Variants in WFS1 observed in about 807,000 individuals in gnomAD.
WFS1 encodes the protein wolframin ER transmembrane glycoprotein, also known as wolframin.
Under a neutral mutation model 68.5 loss-of-function variants are expected in WFS1, and 90 were observed. The ratio of observed to expected loss-of-function variants is 1.31; its 90% CI spans 1.11 to 1.56. The LOEUF (loss-of-function observed/expected upper bound fraction) is 1.56, where lower values mean the gene tolerates loss of function less well. Among genes scored for constraint, WFS1 ranks in the 40% most tolerant of loss-of-function variants. WFS1 has a pLI of 0.00. For missense variants in WFS1, 1,767 were observed against 1,232.6 expected (o/e 1.43, Z -6.49); for synonymous variants, 860 against 540.7 (o/e 1.59, Z -8.19).
Position 6,300,811 on chromosome 4 carries a change from ACTT to A in WFS1, c.1021_1023del (p.Phe341del), listed in dbSNP as rs766994901. On this transcript the variant is annotated inframe_deletion, in exon 8 of 8. Coordinates refer to ENST00000226760, the MANE Select transcript of WFS1 (RefSeq NM_006005.3). ...TTCATCGTCAGCAACCTCACCATCG[ACTT>A]CTTCGCCTTCTTCATCCCGCTGGTC... The A allele has an allele frequency of 6.2e-7, 1 of 1,613,804 alleles. No individual in the cohort carries two copies. The highest frequency in any genetic ancestry group is 8.5e-7 in the Non-Finnish European group (1 of 1,179,896).
At chr4:6,299,858 CGT>C (rs1241238507) in intron 7 of WFS1, among the ~76,000 whole-genome samples, 1 of 76,374 alleles carries the variant, frequency 1.3e-5, no homozygotes, top group African/African-American at 5.4e-5. Flanking sequence ...TGTGTGAATG[CGT>C]GTGTGTAGGG....
At chr4:6,281,943 G>A (rs1335941930) in intron 2 of WFS1, among the ~76,000 whole-genome samples, 1 of 152,202 alleles carries the variant, frequency 6.6e-6, no homozygotes, top group Non-Finnish European at 1.5e-5. Context: ...CCAAGCCTCG[G>A]ACGTCACCTC....
At chr4:6,271,293 G>T (rs922347218) in intron 1 of WFS1, among the ~76,000 whole-genome samples, 2 of 152,132 alleles carry the variant, frequency 1.3e-5, no homozygotes, top group African/African-American at 4.8e-5. Flanking sequence ...TCCTCCCTTC[G>T]CAGACACAGG....
At chr4:6,275,468 G>A (rs1213101800) in intron 1 of WFS1, among the ~76,000 whole-genome samples, 1 of 152,082 alleles carries the variant, frequency 6.6e-6, no homozygotes, top group African/African-American at 2.4e-5. Flanking sequence ...GCCAGTTCCC[G>A]GGAGCTGGGA....
At position 6,302,287 on chromosome 4, in the gene WFS1, G is replaced by A. The variant is rs28937895; in HGVS notation, c.2492G>A (p.Gly831Asp). ...ATCGAGTTCAGCACCATCCTGGAGG[G>A]CCGCCTGGGCAGCAAGTGGCCTGTC... ...SLIEFSTILE[G>D]RLGSKWPVFE... Residue 831 changes from glycine to aspartate, a missense_variant, in exon 8 of 8, where the codon GGC becomes GAC. Gly to Asp is a moderately conservative substitution (Grantham distance 94). Transcript: ENST00000226760. The A allele has an allele frequency of 6.2e-6, 10 of 1,604,952 alleles. No homozygotes were observed. Among genetic ancestry groups the A allele is most frequent in the Non-Finnish European group, 8.5e-6 (10 of 1,174,140 alleles).
At chr4:6,279,596 C>T (rs1449023045) in intron 2 of WFS1, among the ~76,000 whole-genome samples, 1 of 152,146 alleles carries the variant, frequency 6.6e-6, no homozygotes, top group Non-Finnish European at 1.5e-5. Context: ...CTGGCCAGGC[C>T]CTGGTGACAG....
At chr4:6,274,213 AT>A (rs1189667306) in intron 1 of WFS1, among the ~76,000 whole-genome samples, 3 of 151,716 alleles carry the variant, frequency 2.0e-5, no homozygotes, top group South Asian at 2.1e-4. Context: ...CGCCTGGCTA[AT>A]TTTTTTGTAT....
intron 2 of WFS1, among the ~76,000 whole-genome samples, chr4:6,284,985 G>A (rs903368441): frequency 2.0e-5 from 3 of 151,606 alleles, no homozygotes; most frequent in African/African-American, 7.3e-5. Flanking sequence ...GCAGGGTGAC[G>A]GCAGCAAGGA....
chr4:6,291,031 G>A lies in WFS1; in HGVS notation c.461-166G>A, dbSNP rs5018646. 2.0e-3 allele frequency among the ~76,000 whole-genome samples: 309 copies of A among 151,760 alleles called. 1 individual carries two copies. Among genetic ancestry groups the A allele is most frequent in the South Asian group, 5.0e-3 (24 of 4,804 alleles). On this transcript the variant is annotated intron_variant, in intron 4 of 7. Transcript: ENST00000226760. ...CCCAGCTGGAGAGTGGGCGTGGCGC[G>A]ATGTCCTCTTGAGTCAGATGTCCAT...
At chr4:6,278,437 A>G (rs996250347) in intron 2 of WFS1, among the ~76,000 whole-genome samples, 1 of 152,210 alleles carries the variant, frequency 6.6e-6, no homozygotes, top group African/African-American at 2.4e-5. Flanking sequence ...GTCCCAGCTC[A>G]TCACTGCCCC....
In WFS1 at chr4:6,283,411, G is replaced by A. The variant is rs1730220189; in HGVS notation, c.233-3682G>A. Among the ~76,000 whole-genome samples, 1 of 152,178 alleles carries A rather than the reference G, an allele frequency of 6.6e-6. No homozygotes were observed. The highest frequency in any genetic ancestry group is 2.4e-5 in the African/African-American group (1 of 41,442). On this transcript the variant is annotated intron_variant, in intron 2 of 7. Transcript: ENST00000226760. The surrounding 1 kb of genome is among the most constrained non-coding windows in gnomAD (Gnocchi z 5.0). ...AAGCCAAAAAAGTAGAGGGGCAAGGGATTGATGAGTCCATAGATCTGTAGA... is the reference window on the plus strand; with the variant it reads ...AAGCCAAAAAAGTAGAGGGGCAAGGAATTGATGAGTCCATAGATCTGTAGA...
At chr4:6,280,200 C>T (rs6833032) in intron 2 of WFS1, among the ~76,000 whole-genome samples, 10,063 of 152,280 alleles carry the variant, frequency 0.066, 566 homozygotes, top group African/African-American at 0.15. Context: ...CTGTGTGGAG[C>T]GTGGATGCCC....
chr4:6,271,930 T>A lies in WFS1; in HGVS notation c.-6+1916T>A, dbSNP rs374033318. Among the ~76,000 whole-genome samples the A allele has an allele frequency of 5.4e-4, 82 of 152,276 alleles. 3 individuals carry two copies. The South Asian group carries it at 0.015, about 29-fold the overall frequency. ...CTGTGTCCTCTCTCCAGCAGTCACC[T>A]CCCAGCCACCTGCGTGTTCCTGGCC... On this transcript the variant is annotated intron_variant, in intron 1 of 7. Transcript: ENST00000226760.
chr4:6,292,239 C>T (rs71524372), intron 6 of WFS1, among the ~76,000 whole-genome samples: 8 of 152,156 alleles, frequency 5.3e-5, no homozygotes, highest in Admixed American at 6.5e-5. Flanking sequence ...CTGGAGCGCA[C>T]GCACTGGAGG....
At chr4:6,277,422 G>C (rs1452092803) in intron 1 of WFS1, 29 bp from the exon 2 acceptor site, 1 of 1,546,854 alleles carries the variant, frequency 6.5e-7, no homozygotes, top group East Asian at 2.4e-5. Flanking sequence ...GCCGGTGCTG[G>C]ATGTGCCTGA....
chr4:6,300,803 C>T lies in WFS1; in HGVS notation c.1008C>T (p.Leu336=). ...TCTTCTTCTTCATCGTCAGCAACCTCACCATCGACTTCTTCGCCTTCTTCA... is the reference window on the plus strand; with the variant it reads ...TCTTCTTCTTCATCGTCAGCAACCTTACCATCGACTTCTTCGCCTTCTTCA... ...ALIFFFIVSN[L]TIDFFAFFIP... The change falls in exon 8 of 8, where the codon CTC becomes CTT. Residue 336 remains leucine, a synonymous_variant. Transcript: ENST00000226760. The T allele has an allele frequency of 1.2e-6, 2 of 1,614,076 alleles. No homozygotes were observed. The highest frequency in any genetic ancestry group is 8.5e-7 in the Non-Finnish European group (1 of 1,179,958).
intron 6 of WFS1, among the ~76,000 whole-genome samples, chr4:6,293,864 C>T (rs543215884): frequency 2.6e-5 from 4 of 152,254 alleles, no homozygotes; most frequent in East Asian, 3.9e-4. Context: ...GCCCCCAGCC[C>T]GCCCAGGCTG....
Position 6,302,319 on chromosome 4 carries a change from C to G in WFS1, c.2524C>G (p.Leu842Val), listed in dbSNP as rs71530915. Residue 842 changes from leucine (L) to valine (V), a missense_variant, in exon 8 of 8, where the codon CTC becomes GTC. By Grantham distance (32) the Leu-to-Val change is conservative. Coordinates refer to ENST00000226760, the MANE Select transcript of WFS1 (RefSeq NM_006005.3). ...RLGSKWPVFE[L>V]KAISCLNCMA... The stretch of plus-strand genomic sequence containing the variant: ...GGGCAGCAAGTGGCCTGTCTTCGAG[C>G]TCAAGGCCATCAGCTGCCTCAACTG... 1 of 1,611,958 alleles carries G rather than the reference C, an allele frequency of 6.2e-7. No individual in the cohort carries two copies. Among genetic ancestry groups the G allele is most frequent in the Non-Finnish European group, 8.5e-7 (1 of 1,179,700 alleles).
Position 6,276,452 on chromosome 4 carries a change from C to T in WFS1, c.-5-999C>T, listed in dbSNP as rs145117482. 4.8e-3 allele frequency among the ~76,000 whole-genome samples: 725 copies of T among 152,304 alleles called. 2 individuals carry two copies. Among genetic ancestry groups the T allele is most frequent in the South Asian group, 8.5e-3 (41 of 4,822 alleles). ...CTCTAGTCTCTTCTGATGCCCCCAC[C>T]GCACTGTTTGCCTTAGTTTGCTTTT... On this transcript the variant is annotated intron_variant, in intron 1 of 7. Coordinates refer to ENST00000226760, the MANE Select transcript of WFS1 (RefSeq NM_006005.3).
Sources: gnomAD v4.1 joint callset for allele counts (sites outside exome capture counted in the v4.1 genomes callset) on GRCh38, gnomAD v4.1.1 for gene constraint, Gnocchi (gnomAD v3.1) non-coding constraint, MANE v1.5 for transcripts, NCBI Gene and HGNC (gene_info 2026-07-23, HGNC 2026-07-21) for gene names.